The following ASS1 variants were observed in gnomAD, a reference collection of about 807,000 sequenced individuals.
ASS1 encodes argininosuccinate synthase.
In ASS1, 58 loss-of-function variants were observed where a neutral mutation model predicts 60.5. The ratio of observed to expected loss-of-function variants is 0.96; its 90% CI spans 0.78 to 1.19. ASS1 has a LOEUF of 1.19. Among genes scored for constraint, ASS1 ranks in the 50% most tolerant of loss-of-function variants. The pLI is 0.00. For missense variants in ASS1, 454 were observed against 547.3 expected (o/e 0.83, Z 1.70); for synonymous variants, 200 against 206.9 (o/e 0.97, Z 0.29).
intron 6 of ASS1, among the ~76,000 whole-genome samples, chr9:130,468,746 A>T (rs1845802126): frequency 6.6e-6 from 1 of 152,082 alleles, no homozygotes; most frequent in East Asian, 1.9e-4. Context: ...GCTAATTTTT[A>T]AATTTTTTTT....
intron 13 of ASS1, among the ~76,000 whole-genome samples, chr9:130,498,211 T>G (rs1846651719): frequency 6.6e-6 from 1 of 152,166 alleles, no homozygotes; most frequent in East Asian, 1.9e-4. Flanking sequence ...AGGGCCAGCC[T>G]CAGGGTCTCA....
intron 4 of ASS1, among the ~76,000 whole-genome samples, chr9:130,458,945 A>C (rs1204075085): frequency 6.6e-6 from 1 of 152,224 alleles, no homozygotes; most frequent in Non-Finnish European, 1.5e-5. Context: ...GAAAACCCTG[A>C]GTTGGCAGAG....
intron 3 of ASS1, among the ~76,000 whole-genome samples, chr9:130,456,619 A>G (rs1352589322): frequency 6.6e-6 from 1 of 152,186 alleles, no homozygotes; most frequent in East Asian, 1.9e-4. Context: ...AGGAAGTTGC[A>G]AAAGCAGTAC....
At chr9:130,458,158 C>CAAAAAAAAA (rs5900899) in intron 3 of ASS1, among the ~76,000 whole-genome samples, 1 of 105,330 alleles carries the variant, frequency 9.5e-6, no homozygotes. Context: ...GACTTCGACT[C>CAAAAAAAAA]AAAAAAAAAA....
rs1329689781 is a variant in ASS1, at chr9:130,489,241, TA to T, written c.839-91del. 403 of 1,469,530 alleles carry T rather than the reference TA, an allele frequency of 2.7e-4. 2 individuals carry two copies. The South Asian group carries it at 3.9e-3, about 14-fold the overall frequency. The allele number at this position is 1,469,530 out of a possible 1,614,324, so 91.0% of individuals were successfully genotyped here. On this transcript the variant is annotated intron_variant, in intron 11 of 14. Transcript: ENST00000352480. This position sits in a 1 kb window ranked among gnomAD's most constrained non-coding sequence, Gnocchi z 4.1. ...CTCCTGTCAGACGACTCATTATTAT[TA>T]TTATTTTTTTTTTTGTCATTTGCTG...
chr9:130,489,448 T>A lies in ASS1; in HGVS notation c.954T>A (p.Ala318=). ...KIKQGLGLKF[A]ELVYTGFWHS... ...AACAAGGCCTGGGCTTGAAATTTGC[T>A]GAGCTGGTGTATACCGGTGCGTAAG... The change falls in exon 12 of 15, where the codon GCT becomes GCA. Residue 318 remains alanine (A), a synonymous_variant. Transcript: ENST00000352480. The surrounding 1 kb of genome is among the most constrained non-coding windows in gnomAD (Gnocchi z 4.1). 2 of 1,614,130 alleles carry A rather than the reference T, an allele frequency of 1.2e-6. No homozygotes were observed. The highest frequency in any genetic ancestry group is 1.7e-6 in the Non-Finnish European group (2 of 1,180,020).
chr9:130,496,953 G>A (rs1846619691), intron 13 of ASS1, among the ~76,000 whole-genome samples: 1 of 152,244 alleles, frequency 6.6e-6, no homozygotes, highest in Non-Finnish European at 1.5e-5. Context: ...TACGAGTCTT[G>A]TTTGGCAGTC....
At chr9:130,495,841 G>T (rs577813523) in intron 13 of ASS1, among the ~76,000 whole-genome samples, 1 of 152,142 alleles carries the variant, frequency 6.6e-6, no homozygotes. Context: ...TGTGGAGGGA[G>T]ATGGAGGGTC....
intron 4 of ASS1, among the ~76,000 whole-genome samples, chr9:130,462,139 G>T (rs540354580): frequency 6.6e-6 from 1 of 151,982 alleles, no homozygotes; most frequent in African/African-American, 2.4e-5. Flanking sequence ...TGGCCCTTGC[G>T]GGGCTCCTCT....
Position 130,470,853 on chromosome 9 carries a change from C to T in ASS1, c.515C>T (p.Pro172Leu), listed in dbSNP as rs372078387. The T allele has an allele frequency of 3.7e-5, 59 of 1,613,984 alleles. No homozygotes were observed. Among genetic ancestry groups the T allele is most frequent in the South Asian group, 4.4e-5 (4 of 91,090 alleles). The stretch of plus-strand genomic sequence containing the variant: ...CTGCAGCAACACGGGATTCCCATCC[C>T]GGTCACTCCCAAGAACCCGTGGAGC... ...EYAKQHGIPI[P>L]VTPKNPWSMD... Residue 172 changes from proline (P) to leucine (L), a missense_variant, in exon 7 of 15, where the codon CCG (proline) becomes CTG (leucine). Transcript: ENST00000352480. The surrounding 1 kb of genome is among the most constrained non-coding windows in gnomAD (Gnocchi z 4.3).
In ASS1 at chr9:130,499,569, A is replaced by C; in HGVS notation, c.1192A>C (p.Arg398=). 2 of 1,613,190 alleles carry C rather than the reference A, an allele frequency of 1.2e-6. No individual in the cohort carries two copies. The highest frequency in any genetic ancestry group is 1.7e-6 in the Non-Finnish European group (2 of 1,179,632). The change falls in exon 14 of 15, where the codon AGG becomes CGG. Residue 398 remains arginine (R), a splice_region_variant and synonymous_variant. Transcript: ENST00000352480. ...ATGFININSL[R]LKEYHRLQSK... ...CGGGTTCATCAACATCAATTCCCTC[A>C]GGTGAGAAGCTCAGGGCCCTGACGG...
chr9:130,499,669 T>C (rs1846695011), intron 14 of ASS1, 99 bp downstream of exon 14: 1 of 1,272,210 alleles, frequency 7.9e-7, no homozygotes, highest in South Asian at 1.3e-5. Flanking sequence ...TGATGCGACC[T>C]TGACTGCTGC....
Position 130,454,211 on chromosome 9 carries a change from C to T in ASS1, c.106-94C>T. The T allele has an allele frequency of 1.6e-6, 2 of 1,283,656 alleles. 1 individual carries two copies. Among genetic ancestry groups the T allele is most frequent in the South Asian group, 2.5e-5 (2 of 78,980 alleles). The allele number at this position is 1,283,656 out of a possible 1,614,324, so 79.5% of individuals were successfully genotyped here. On this transcript the variant is annotated intron_variant, in intron 2 of 14. Transcript: ENST00000352480. Reference sequence around the variant, plus strand: ...CTTGGCCATGGAATGGAAGCTGTCTCTGTAGCAGGGGGTGGGAGGCTGCTG... The same window carrying T: ...CTTGGCCATGGAATGGAAGCTGTCTTTGTAGCAGGGGGTGGGAGGCTGCTG...
intron 12 of ASS1, among the ~76,000 whole-genome samples, chr9:130,493,088 A>G (rs1363716347): frequency 6.6e-6 from 1 of 152,120 alleles, no homozygotes; most frequent in Non-Finnish European, 1.5e-5. Context: ...GGCCAAGCCC[A>G]GGACACCAGG....
intron 12 of ASS1, among the ~76,000 whole-genome samples, chr9:130,490,062 C>T (rs2118866114): frequency 6.6e-6 from 1 of 152,370 alleles, no homozygotes; most frequent in Non-Finnish European, 1.5e-5. Flanking sequence ...GGCCTGAGCC[C>T]TGTCACACAC....
chr9:130,481,626 T>C (rs1455098994), intron 11 of ASS1, among the ~76,000 whole-genome samples: 1 of 152,232 alleles, frequency 6.6e-6, no homozygotes, highest in East Asian at 1.9e-4. Context: ...ACTTGTCATC[T>C]ATCGCTAGGC....
chr9:130,476,267 A>G lies in ASS1; in HGVS notation c.598-604A>G, dbSNP rs1846016501. The G allele has an allele frequency of 6.5e-6, 1 of 155,018 alleles. No homozygotes were observed. Among genetic ancestry groups the G allele is most frequent in the Admixed American group, 6.3e-5 (1 of 15,830 alleles). 9.6% of individuals were successfully genotyped at this position (155,018 alleles called of 1,614,324 possible). On this transcript the variant is annotated intron_variant, in intron 8 of 14. Transcript: ENST00000352480. This position sits in a 1 kb window ranked among gnomAD's most constrained non-coding sequence, Gnocchi z 4.9. ...GGGAATTTCGAGAGTTTCAGGCAAC[A>G]CGCAGCCCCTCCACCACTGCATCAG...
At chr9:130,475,336 C>T (rs912532816) in intron 8 of ASS1, among the ~76,000 whole-genome samples, 2 of 152,178 alleles carry the variant, frequency 1.3e-5, no homozygotes, top group Admixed American at 6.5e-5. Flanking sequence ...TGTGTGTTTT[C>T]ATGTCCAATT....
chr9:130,480,555 C>T lies in ASS1; in HGVS notation c.838+106C>T, dbSNP rs185380113. 3.1e-5 allele frequency: 38 copies of T among 1,244,616 alleles called. No homozygotes were observed. In the East Asian group the frequency reaches 6.0e-4, roughly 20 times the overall value. The allele number at this position is 1,244,616 out of a possible 1,614,324, so 77.1% of individuals were successfully genotyped here. A position where few individuals can be genotyped will look rare whatever the true frequency, so the allele number is the denominator to read the frequency against. On this transcript the variant is annotated intron_variant, in intron 11 of 14. Coordinates refer to ENST00000352480, the MANE Select transcript of ASS1 (RefSeq NM_054012.4). ...CGCTACTACCCCCATGCTCCGTGGG[C>T]GACCTTGGGCACGTCCTTTCACCAC...
Sources: gnomAD v4.1 joint callset for allele counts (sites outside exome capture counted in the v4.1 genomes callset) on GRCh38, gnomAD v4.1.1 for gene constraint, Gnocchi (gnomAD v3.1) non-coding constraint, MANE v1.5 for transcripts, NCBI Gene and HGNC (gene_info 2026-07-23, HGNC 2026-07-21) for gene names.